The following CD36 variants were observed in gnomAD, a reference collection of about 807,000 sequenced individuals.
The protein encoded by CD36 is platelet glycoprotein 4.
A neutral mutation model predicts 55.2 loss-of-function variants in CD36; 119 were observed. That is an observed-to-expected ratio of 2.15 (90% CI 1.86 to 2.51). The LOEUF is 2.51. Among genes scored for constraint, CD36 ranks in the 30% most tolerant of loss-of-function variants. The pLI, the probability that CD36 is intolerant of heterozygous loss-of-function variation, is 0.00. For synonymous variants in CD36, 186 were observed against 193.6 expected, an observed-to-expected ratio of 0.96 and a Z score of 0.33; for missense variants, 819 against 555.5, an observed-to-expected ratio of 1.47 and a Z score of -4.77.
rs1486616701 is a variant in CD36, at chr7:80,677,556, G to A, written c.*1173G>A. 1.3e-5 allele frequency: 2 copies of A among 152,174 alleles called. No homozygotes were observed. Among genetic ancestry groups the A allele is most frequent in the East Asian group, 3.9e-4 (2 of 5,188 alleles). The allele number at this position is 152,174 out of a possible 1,614,324, so 9.4% of individuals were successfully genotyped here. On this transcript the variant is annotated 3_prime_UTR_variant, in exon 15 of 15. Transcript: ENST00000447544. ...AAAGATCTTTTGCATCTCTGAAGGTGCTTAAAGCATACTTAGTGCCTTTCC... is the reference window on the plus strand; with the variant it reads ...AAAGATCTTTTGCATCTCTGAAGGTACTTAAAGCATACTTAGTGCCTTTCC...
chr7:80,666,110 T>G (rs1162747447), intron 7 of CD36: 1 of 311,612 alleles, frequency 3.2e-6, no homozygotes, highest in Non-Finnish European at 6.1e-6. Context: ...ACTGAGTAAT[T>G]CATGTATCCC....
rs201657731 is a variant in CD36, at chr7:80,672,788, C to T, written c.1144C>T (p.Gln382Ter). The change falls in exon 12 of 15, where the codon CAA (glutamine) becomes TAA (stop). Residue 382 changes from glutamine to a stop codon, truncating the protein, a stop_gained. Coordinates refer to ENST00000447544, the MANE Select transcript of CD36 (RefSeq NM_001001548.3). LOFTEE classifies it high-confidence loss of function. ...DIEPITGFTLQFAKRLQVNLL... is the reference protein window; with the variant it reads ...DIEPITGFTL ...TTTTTAGATAACTGGATTCACTTTA[C>T]AATTTGCAAAACGGCTGCAGGTCAA... is the stretch of plus-strand genomic sequence containing the variant. 130 of 1,609,420 alleles carry T rather than the reference C, an allele frequency of 8.1e-5. 1 individual carries two copies. The Middle Eastern group carries it at 1.0e-3, about 13-fold the overall frequency.
At chr7:80,641,709 C>T (rs1584352918) in intron 1 of CD36, among the ~76,000 whole-genome samples, 1 of 152,088 alleles carries the variant, frequency 6.6e-6, no homozygotes, top group East Asian at 1.9e-4. Context: ...AGGGCCATGC[C>T]TTTTCTGGGT....
At chr7:80,674,210 T>TGAAAACAAG in intron 14 of CD36, 63 bp downstream of exon 14, 1 of 1,224,430 alleles carries the variant, frequency 8.2e-7, no homozygotes, top group East Asian at 2.5e-5. Context: ...TGTTTTCACT[T>TGAAAACAAG]TATCAAAGAG....
chr7:80,673,325 G>T (rs1363045510), intron 12 of CD36, 30 bp from the exon 13 acceptor site: 2 of 1,009,114 alleles, frequency 2.0e-6, no homozygotes, highest in Admixed American at 1.8e-5. Context: ...TAGTTTATAT[G>T]TTCATAATTA....
intron 1 of CD36, among the ~76,000 whole-genome samples, chr7:80,612,934 G>A (rs1395698691): frequency 6.6e-6 from 1 of 152,104 alleles, no homozygotes; most frequent in African/African-American, 2.4e-5. Context: ...AATCTAGTAA[G>A]TGATTCAAGT....
chr7:80,641,370 T>C (rs1056028128), intron 1 of CD36, among the ~76,000 whole-genome samples: 3 of 152,068 alleles, frequency 2.0e-5, no homozygotes, highest in Non-Finnish European at 4.4e-5. Context: ...GTGAAAAAAG[T>C]AATTTTAAAA....
chr7:80,648,246 A>G lies in CD36; in HGVS notation c.120+1386A>G, dbSNP rs149206173. Among the ~76,000 whole-genome samples the G allele has an allele frequency of 5.1e-3, 770 of 152,270 alleles. 6 individuals are homozygous for G. Among genetic ancestry groups the G allele is most frequent in the African/African-American group, 0.018 (745 of 41,564 alleles). ...GATCTGACATCCTTCCTACTCATAA[A>G]CTATGTTCTCACCCAGATCTTATGC... is the stretch of plus-strand genomic sequence containing the variant. On this transcript the variant is annotated intron_variant, in intron 3 of 14. Coordinates refer to ENST00000447544, the MANE Select transcript of CD36 (RefSeq NM_001001548.3).
rs1012348564 is a variant in CD36, at chr7:80,607,902, C to T, written c.-184+5523C>T. 9.2e-5 allele frequency among the ~76,000 whole-genome samples: 14 copies of T among 152,200 alleles called. No individual in the cohort carries two copies. The South Asian group carries it at 1.2e-3, about 14-fold the overall frequency. On this transcript the variant is annotated intron_variant, in intron 1 of 13. Coordinates refer to the CD36 transcript ENST00000309881. Reference sequence around the variant, plus strand: ...TTCTCCTGCCTCATCCTCCCGAGTGCTGGGACTACAGGTGCCTGCTGCCTC... The same window carrying T: ...TTCTCCTGCCTCATCCTCCCGAGTGTTGGGACTACAGGTGCCTGCTGCCTC...
intron 8 of CD36, among the ~76,000 whole-genome samples, chr7:80,669,182 G>A (rs912639385): frequency 1.3e-5 from 2 of 152,056 alleles, no homozygotes; most frequent in South Asian, 2.1e-4. Context: ...CAAACACAAT[G>A]TTAGCCTTAA....
intron 8 of CD36, 30 bp from the exon 9 acceptor site, chr7:80,669,923 C>A (rs1441588107): frequency 3.9e-6 from 6 of 1,523,000 alleles, no homozygotes; most frequent in Middle Eastern, 1.7e-4. Flanking sequence ...CACATTACAT[C>A]TAATCATTTG....
In CD36 at chr7:80,663,071, C is replaced by CA. The variant is rs768926049; in HGVS notation, c.513dup (p.Val172SerfsTer12). 7 of 1,612,934 alleles carry CA rather than the reference C, an allele frequency of 4.3e-6. No individual in the cohort carries two copies. In the African/African-American group the frequency reaches 9.4e-5, roughly 22 times the overall value. On this transcript the variant is annotated frameshift_variant, in exon 6 of 15. Transcript: ENST00000447544. LOFTEE classifies it high-confidence loss of function. ...TAACAAGTCAAAATCTTCTATGTTC[C>CA]AAGTCAGAACTTTGAGAGAACTGTT...
At position 80,610,384 on chromosome 7, in the gene CD36, G is replaced by A. The variant is rs10235039; in HGVS notation, c.-184+8005G>A. The stretch of plus-strand genomic sequence containing the variant: ...TTATTTTGGTAGCCATTTACTGAGA[G>A]GGTAATTTAGCTTCCTAATATTATG... On this transcript the variant is annotated intron_variant, in intron 1 of 13. Coordinates refer to the CD36 transcript ENST00000309881. 3.6e-3 allele frequency among the ~76,000 whole-genome samples: 543 copies of A among 152,132 alleles called. 3 individuals carry two copies. Among genetic ancestry groups the A allele is most frequent in the African/African-American group, 0.012 (518 of 41,500 alleles).
At chr7:80,624,235 A>C (rs758243654) in intron 1 of CD36, 2 of 152,192 alleles carry the variant, frequency 1.3e-5, no homozygotes, top group African/African-American at 4.8e-5. Flanking sequence ...TAATCTAAAT[A>C]TGTAAGATTT....
chr7:80,608,515 C>A (rs1014084637), intron 1 of CD36, among the ~76,000 whole-genome samples: 10 of 152,176 alleles, frequency 6.6e-5, no homozygotes, highest in Non-Finnish European at 8.8e-5. Context: ...ATAAAATACT[C>A]ATACAAGTGT....
Position 80,672,835 on chromosome 7 carries a change from A to AAAAATTCAGTG in CD36, c.1193_1199+4dup. ...TCAACCTATTGGTCAAGCCATCAGA[A>AAAAATTCAGTG]AAAATTCAGTGAGTCTCTTGAAAAT... On this transcript the variant is annotated frameshift_variant, in exon 12 of 15. Coordinates refer to ENST00000447544, the MANE Select transcript of CD36 (RefSeq NM_001001548.3). LOFTEE classifies it high-confidence loss of function. 2 of 1,608,658 alleles carry AAAAATTCAGTG rather than the reference A, an allele frequency of 1.2e-6. No individual in the cohort carries two copies. The highest frequency in any genetic ancestry group is 1.7e-4 in the Middle Eastern group (1 of 5,874).
chr7:80,621,229 G>A (rs1584293419), intron 1 of CD36, among the ~76,000 whole-genome samples: 2 of 152,258 alleles, frequency 1.3e-5, no homozygotes, highest in East Asian at 3.9e-4. Context: ...ATAGTATAGG[G>A]TAAACATACT....
intron 2 of CD36, 81 bp from the exon 3 acceptor site, chr7:80,646,571 T>C (rs1274328266): frequency 2.6e-6 from 2 of 757,366 alleles, no homozygotes; most frequent in African/African-American, 3.5e-5. Context: ...AATGATACGT[T>C]TCAGTGGGTG....
chr7:80,656,678 C>A lies in CD36; in HGVS notation c.259C>A (p.Gln87Lys). The A allele has an allele frequency of 1.9e-6, 3 of 1,613,606 alleles. No individual in the cohort carries two copies. Among genetic ancestry groups the A allele is most frequent in the Non-Finnish European group, 2.5e-6 (3 of 1,179,718 alleles). Residue 87 changes from glutamine to lysine, a missense_variant, in exon 4 of 15, where the codon CAA becomes AAA. Physicochemically the swap from Gln to Lys is moderately conservative, Grantham distance 53. Coordinates refer to ENST00000447544, the MANE Select transcript of CD36 (RefSeq NM_001001548.3). ...GAACAGCAGCAACATTCAAGTTAAGCAAAGAGGTCCTTATACGTACAGGTG... is the reference window on the plus strand; with the variant it reads ...GAACAGCAGCAACATTCAAGTTAAGAAAAGAGGTCCTTATACGTACAGGTG... Reference protein sequence around the residue: ...MMNSSNIQVKQRGPYTYRVRF... With the variant: ...MMNSSNIQVKKRGPYTYRVRF...
Sources: gnomAD v4.1 joint callset for allele counts (sites outside exome capture counted in the v4.1 genomes callset) on GRCh38, gnomAD v4.1.1 for gene constraint, MANE v1.5 for transcripts, NCBI Gene and HGNC (gene_info 2026-07-23, HGNC 2026-07-21) for gene names.